The following GAA variants were observed in gnomAD, a reference collection of about 807,000 sequenced individuals.
GAA encodes alpha glucosidase.
Under a neutral mutation model 103.9 loss-of-function variants are expected in GAA, and 88 were observed. The observed-to-expected ratio is 0.85, with a 90% CI of 0.71 to 1.01. The LOEUF is 1.01. Ranked by LOEUF, GAA falls within the 50% of genes least tolerant of loss-of-function variation. The probability of loss-of-function intolerance (pLI) is 0.00; values close to 1 mark genes in which losing one functional copy is unlikely to be tolerated. For synonymous variants in GAA, 572 were observed against 563.1 expected (o/e 1.02, Z -0.22); for missense variants, 1,350 against 1,305.3 (o/e 1.03, Z -0.53).
Position 80,104,529 on chromosome 17 carries a change from G to GCTGAGCCCGCTTT in GAA, c.-32-23_-32-11dup, listed in dbSNP as rs1318634181. 1.3e-6 allele frequency: 2 copies of GCTGAGCCCGCTTT among 1,535,146 alleles called. No homozygotes were observed. The highest frequency in any genetic ancestry group is 1.8e-6 in the Non-Finnish European group (2 of 1,136,066). On this transcript the variant is annotated intron_variant, in intron 1 of 19. Coordinates refer to ENST00000302262, the MANE Select transcript of GAA (RefSeq NM_000152.5). This position sits in a 1 kb window ranked among gnomAD's most constrained non-coding sequence, Gnocchi z 4.0. ...TGAGTGCCGCCCCTCCCGCCTCCCT[G>GCTGAGCCCGCTTT]CTGAGCCCGCTTTCTTCTCCCGCAG...
chr17:80,112,930 G>A lies in GAA; in HGVS notation c.1943G>A (p.Gly648Asp), dbSNP rs1448515860. 2 of 1,610,636 alleles carry A rather than the reference G, an allele frequency of 1.2e-6. No homozygotes were observed. The highest frequency in any genetic ancestry group is 1.7e-6 in the Non-Finnish European group (2 of 1,179,002). Residue 648 changes from glycine to aspartate, a missense_variant, in exon 14 of 20, where the codon GGC becomes GAC. Gly to Asp is a moderately conservative substitution (Grantham distance 94). Transcript: ENST00000302262. Reference sequence around the variant, plus strand: ...CCTCTGGTCGGGGCCGACGTCTGCGGCTTCCTGGGCAACACCTCAGAGGAG... The same window carrying A: ...CCTCTGGTCGGGGCCGACGTCTGCGACTTCCTGGGCAACACCTCAGAGGAG... The part of the protein sequence containing the change: ...GVPLVGADVC[G>D]FLGNTSEELC...
chr17:80,111,130 C>A, intron 11 of GAA, 105 bp downstream of exon 11: 4 of 832,120 alleles, frequency 4.8e-6, no homozygotes, highest in Non-Finnish European at 5.5e-6. Flanking sequence ...GATGGGCCAG[C>A]GGGGAAAGGG....
In GAA at chr17:80,108,604, C is replaced by T; in HGVS notation, c.1191C>T (p.Pro397=). 6.2e-7 allele frequency: 1 copy of T among 1,612,848 alleles called. No homozygotes were observed. The highest frequency in any genetic ancestry group is 1.3e-5 in the African/African-American group (1 of 75,068). The change falls in exon 7 of 20, where the codon CCC becomes CCT. Residue 397 remains proline, a synonymous_variant. Transcript: ENST00000302262. ...AGAACATGACCAGGGCCCACTTCCC[C>T]CTGGTGAGTTGGGGTGGTGGCAGGG... is the stretch of plus-strand genomic sequence containing the variant. ...VVENMTRAHF[P]LDVQWNDLDY...
At chr17:80,116,528 ACATT>A (rs2039356171) in intron 15 of GAA, among the ~76,000 whole-genome samples, 1 of 152,386 alleles carries the variant, frequency 6.6e-6, no homozygotes, top group East Asian at 1.9e-4. Context: ...TTGCACATGT[ACATT>A]CATCTTTTTG....
At chr17:80,110,111 G>T (rs1598580506) in intron 9 of GAA, 56 bp downstream of exon 9, 3 of 1,403,326 alleles carry the variant, frequency 2.1e-6, no homozygotes, top group Admixed American at 3.4e-5. Flanking sequence ...CAGCCAGGGG[G>T]AGCCGGCAGC....
rs1393059819 is a variant in GAA at position 80,113,347 on chromosome 17, G to A, written c.2170G>A (p.Ala724Thr). The change falls in exon 15 of 20, where the codon GCC becomes ACC. Residue 724 changes from alanine to threonine, a missense_variant. By Grantham distance (58) the Ala-to-Thr change is moderately conservative. Transcript: ENST00000302262. ...GGCCCACGTCGCGGGGGAGACCGTG[G>A]CCCGGCCCCTCTTCCTGGAGTGAGT... ...HQAHVAGETVARPLFLEFPKD... is the reference protein window; with the variant it reads ...HQAHVAGETVTRPLFLEFPKD... 6.9e-6 allele frequency: 11 copies of A among 1,586,950 alleles called. No individual in the cohort carries two copies. The highest frequency in any genetic ancestry group is 4.6e-5 in the South Asian group (4 of 87,250).
At chr17:80,113,134 A>G (rs977185566) in intron 14 of GAA, 84 bp from the exon 15 acceptor site, 88 of 1,541,002 alleles carry the variant, frequency 5.7e-5, no homozygotes, top group Non-Finnish European at 7.5e-5. Flanking sequence ...GGTGGCTGAG[A>G]AGTGCAGCTC....
At chr17:80,108,855 T>G in intron 8 of GAA, 27 bp downstream of exon 8, 1 of 1,569,008 alleles carries the variant, frequency 6.4e-7, no homozygotes, top group South Asian at 1.2e-5. Context: ...TGTGGGTCTT[T>G]GGGAAGGGGG....
Position 80,113,155 on chromosome 17 carries a change from G to A in GAA, c.2041-63G>A, listed in dbSNP as rs2039284338. 9.1e-6 allele frequency: 14 copies of A among 1,541,900 alleles called. No homozygotes were observed. The South Asian group carries it at 1.4e-4, about 16-fold the overall frequency. ...TGAGAAGTGCAGCTCTCCCGAGGCG[G>A]GGACTCCAGGGGACCGCGGCCCCAG... is the stretch of plus-strand genomic sequence containing the variant. On this transcript the variant is annotated intron_variant, in intron 14 of 19. Coordinates refer to ENST00000302262, the MANE Select transcript of GAA (RefSeq NM_000152.5).
At chr17:80,103,203 C>T (rs374123510) in intron 1 of GAA, among the ~76,000 whole-genome samples, 33 of 152,342 alleles carry the variant, frequency 2.2e-4, no homozygotes, top group South Asian at 2.1e-3. Flanking sequence ...GAAGGTTGCA[C>T]AGTCCTCTGC....
Position 80,117,052 on chromosome 17 carries a change from C to CCAG in GAA, c.2274_2275insCAG (p.Ala758_Gly759insGln). 1 of 1,613,548 alleles carries CCAG rather than the reference C, an allele frequency of 6.2e-7. No individual in the cohort carries two copies. Among genetic ancestry groups the CCAG allele is most frequent in the Non-Finnish European group, 8.5e-7 (1 of 1,180,014 alleles). ...TGCTCATCACCCCAGTGCTCCAGGCCGGGAAGGCCGAAGTGACTGGCTACT... is the reference window on the plus strand; with the variant it reads ...TGCTCATCACCCCAGTGCTCCAGGCCCAGGGGAAGGCCGAAGTGACTGGCTACT... On this transcript the variant is annotated inframe_insertion, in exon 16 of 20. Coordinates refer to ENST00000302262, the MANE Select transcript of GAA (RefSeq NM_000152.5).
In GAA at chr17:80,117,838, G is replaced by A. The variant is rs2039391924; in HGVS notation, c.2481+89G>A. 2.9e-6 allele frequency: 4 copies of A among 1,383,738 alleles called. No individual in the cohort carries two copies. The South Asian group carries it at 5.3e-5, about 18-fold the overall frequency. The allele number at this position is 1,383,738 out of a possible 1,614,324, so 85.7% of individuals were successfully genotyped here. On this transcript the variant is annotated intron_variant, in intron 17 of 19. Transcript: ENST00000302262. Reference sequence around the variant, plus strand: ...AGGGAGATGGTGGGGGAGAGGCCCAGGTGGGGCTTCTGAGGGGCCGCCCCC... The same window carrying A: ...AGGGAGATGGTGGGGGAGAGGCCCAAGTGGGGCTTCTGAGGGGCCGCCCCC...
Position 80,110,832 on chromosome 17 carries a change from A to T in GAA, c.1543A>T (p.Met515Leu). ...CCATGACCAGGTGCCCTTCGACGGC[A>T]TGTGGATTGTAAGTGTGGCCCCCTC... ...EFHDQVPFDGMWIDMNEPSNF... is the reference protein window; with the variant it reads ...EFHDQVPFDGLWIDMNEPSNF... Residue 515 changes from methionine to leucine, a missense_variant, in exon 10 of 20, where the codon ATG becomes TTG. Transcript: ENST00000302262. The T allele has an allele frequency of 6.2e-7, 1 of 1,614,054 alleles. No individual in the cohort carries two copies. The highest frequency in any genetic ancestry group is 8.5e-7 in the Non-Finnish European group (1 of 1,179,974).
intron 1 of GAA, 122 bp downstream of exon 1, chr17:80,102,012 C>T (rs2038963510): frequency 1.3e-5 from 2 of 152,390 alleles, no homozygotes; most frequent in Admixed American, 6.5e-5. Flanking sequence ...GACCTCTAGT[C>T]CTCCCGGTCT....
Position 80,119,498 on chromosome 17 carries a change from G to A in GAA, c.*167G>A. The A allele has an allele frequency of 1.5e-6, 1 of 682,428 alleles. No homozygotes were observed. Among genetic ancestry groups the A allele is most frequent in the Non-Finnish European group, 2.7e-6 (1 of 376,310 alleles). The allele number at this position is 682,428 out of a possible 1,614,324, so 42.3% of individuals were successfully genotyped here. A position where few individuals can be genotyped will look rare whatever the true frequency, so the allele number is the denominator to read the frequency against. On this transcript the variant is annotated 3_prime_UTR_variant, in exon 20 of 20. Coordinates refer to ENST00000302262, the MANE Select transcript of GAA (RefSeq NM_000152.5). ...TCGCTTGTTTCCACCTCCTGGGCCG[G>A]GGCTCTGGCCCCCAACGTGTCTAGG...
At chr17:80,116,021 C>G (rs918268776) in intron 15 of GAA, among the ~76,000 whole-genome samples, 9 of 152,192 alleles carry the variant, frequency 5.9e-5, no homozygotes, top group African/African-American at 1.9e-4. Context: ...TTCAAGAGTC[C>G]TAAAAATGTC....
chr17:80,104,021 C>T lies in GAA; in HGVS notation c.-32-534C>T, dbSNP rs1312077724. 2.0e-5 allele frequency among the ~76,000 whole-genome samples: 3 copies of T among 152,294 alleles called. No homozygotes were observed. Among genetic ancestry groups the T allele is most frequent in the South Asian group, 2.1e-4 (1 of 4,830 alleles). On this transcript the variant is annotated intron_variant, in intron 1 of 19. Transcript: ENST00000302262. The surrounding 1 kb of genome is among the most constrained non-coding windows in gnomAD (Gnocchi z 4.0). ...GGTCACTCCTGAAATCCCAGCACTT[C>T]GGAAGGCCAAGGGGGGTGGATCACT...
In GAA at chr17:80,112,114, C is replaced by G. The variant is rs2039251211; in HGVS notation, c.1754+14C>G. ...CGCCTCCCACAGGTGAGGGCCACGT[C>G]CCGCCCCACTGGGCTCTGCCCTCAC... is the stretch of plus-strand genomic sequence containing the variant. On this transcript the variant is annotated intron_variant, in intron 12 of 19. Transcript: ENST00000302262. 1 of 1,605,598 alleles carries G rather than the reference C, an allele frequency of 6.2e-7. No individual in the cohort carries two copies. The highest frequency in any genetic ancestry group is 8.5e-7 in the Non-Finnish European group (1 of 1,172,692).
intron 14 of GAA, 88 bp downstream of exon 14, chr17:80,113,115 C>T (rs1170761897): frequency 3.2e-6 from 5 of 1,544,610 alleles, no homozygotes; most frequent in Non-Finnish European, 4.4e-6. Context: ...GGAGAAGCAC[C>T]CCATGCTGGG....
Sources: gnomAD v4.1 joint callset for allele counts (sites outside exome capture counted in the v4.1 genomes callset) on GRCh38, gnomAD v4.1.1 for gene constraint, Gnocchi (gnomAD v3.1) non-coding constraint, MANE v1.5 for transcripts, NCBI Gene and HGNC (gene_info 2026-07-23, HGNC 2026-07-21) for gene names.